The following MVD variants were observed in gnomAD, a reference collection of about 807,000 sequenced individuals.
MVD encodes diphosphomevalonate decarboxylase.
In MVD, 52 loss-of-function variants were observed where a neutral mutation model predicts 42.4. That is an observed-to-expected ratio of 1.23 (90% confidence interval 0.98 to 1.55). MVD has a LOEUF of 1.55. Among genes scored for constraint, MVD ranks in the 40% most tolerant of loss-of-function variants. The probability of loss-of-function intolerance (pLI) is 0.00; values close to 1 mark genes in which losing one functional copy is unlikely to be tolerated. For synonymous variants in MVD, 287 were observed against 243.2 expected, an observed-to-expected ratio of 1.18 and a Z score of -1.68; for missense variants, 663 against 572.1, an observed-to-expected ratio of 1.16 and a Z score of -1.62.
chr16:88,662,653 C>A (rs1597384963), intron 1 of MVD: 9 of 1,262,278 alleles, frequency 7.1e-6, no homozygotes, highest in South Asian at 1.4e-5. Flanking sequence ...GCCATCCTCC[C>A]GCCTCAGCCT....
intron 4 of MVD, 62 bp from the exon 5 acceptor site, chr16:88,656,366 T>C: frequency 6.4e-7 from 1 of 1,554,876 alleles, no homozygotes; most frequent in Non-Finnish European, 8.8e-7. Flanking sequence ...CCCTGACAGC[T>C]CACCGCCCCA....
intron 3 of MVD, 120 bp from the exon 4 acceptor site, chr16:88,657,702 A>G: frequency 2.8e-6 from 4 of 1,441,690 alleles, no homozygotes; most frequent in Middle Eastern, 2.3e-4. Context: ...CTCCTCGTGG[A>G]GAGTTTCTTA....
intron 3 of MVD, 108 bp from the exon 4 acceptor site, chr16:88,657,690 G>T: frequency 6.8e-7 from 1 of 1,480,814 alleles, no homozygotes; most frequent in South Asian, 1.3e-5. Context: ...CTGCCTGCCA[G>T]ACTCCTCGTG....
chr16:88,658,842 C>T, intron 1 of MVD, 122 bp from the exon 2 acceptor site: 1 of 775,838 alleles, frequency 1.3e-6, no homozygotes, highest in South Asian at 1.6e-5. Context: ...TCTCTCACCG[C>T]ACAACCTGTG....
At position 88,653,393 on chromosome 16, in the gene MVD, C is replaced by T; in HGVS notation, c.1029G>A (p.Leu343=). Residue 343 remains leucine (L), a synonymous_variant, in exon 9 of 10, where the codon CTG becomes CTA. Transcript: ENST00000301012. The part of the protein sequence containing the change: ...GSNGDTFLKG[L]QVRPAPLSAE... The stretch of plus-strand genomic sequence containing the variant: ...CTGAGAGAGGGGCCGGCCTCACCTG[C>T]AGCCCCTTCAGAAACCTGGAAAAGC... 2 of 1,605,958 alleles carry T rather than the reference C, an allele frequency of 1.2e-6. No individual in the cohort carries two copies. Among genetic ancestry groups the T allele is most frequent in the South Asian group, 1.1e-5 (1 of 90,256 alleles).
chr16:88,654,541 C>T, intron 8 of MVD, 151 bp downstream of exon 8: 1 of 695,374 alleles, frequency 1.4e-6, no homozygotes, highest in South Asian at 2.2e-5. Flanking sequence ...TCTATGGGGA[C>T]ACCCTGCCCG....
At position 88,655,312 on chromosome 16, in the gene MVD, G is replaced by C. The variant is rs895501668; in HGVS notation, c.784C>G (p.Gln262Glu). The change falls in exon 7 of 10, where the codon CAG becomes GAG. Residue 262 changes from glutamine to glutamate, a missense_variant. Transcript: ENST00000301012. ...FAQLTMKDSN[Q>E]FHATCLDTFP... Reference sequence around the variant, plus strand: ...GTGTCGAGGCAGGTGGCGTGGAACTGGTTGCTGTCCTTCATGGTCAGCTGG... The same window carrying C: ...GTGTCGAGGCAGGTGGCGTGGAACTCGTTGCTGTCCTTCATGGTCAGCTGG... 6.3e-7 allele frequency: 1 copy of C among 1,598,228 alleles called. No individual in the cohort carries two copies. The highest frequency in any genetic ancestry group is 1.1e-5 in the South Asian group (1 of 88,374).
intron 5 of MVD, 166 bp downstream of exon 5, chr16:88,655,939 G>A (rs1907894456): frequency 8.7e-7 from 1 of 1,143,074 alleles, no homozygotes; most frequent in Admixed American, 2.5e-5. Context: ...CCCGCCGCAT[G>A]GGAGCGGTTC....
Position 88,656,115 on chromosome 16 carries a change from A to G in MVD, c.593T>C (p.Leu198Pro). 1.2e-6 allele frequency: 2 copies of G among 1,600,274 alleles called. No homozygotes were observed. The highest frequency in any genetic ancestry group is 8.5e-7 in the Non-Finnish European group (1 of 1,179,462). ...PESHWPELRV[L>P]ILVVSAEKKL... ...CCCCACCCCACTCACCACAAGGATG[A>G]GCACGCGGAGTTCAGGCCAGTGTGA... The change falls in exon 5 of 10, where the codon CTC (leucine) becomes CCC (proline). Residue 198 changes from leucine (L) to proline (P), a missense_variant. Coordinates refer to ENST00000301012, the MANE Select transcript of MVD (RefSeq NM_002461.3).
In MVD at chr16:88,656,448, C is replaced by T. The variant is rs1264035023; in HGVS notation, c.404-144G>A. On this transcript the variant is annotated intron_variant, in intron 4 of 9. Coordinates refer to ENST00000301012, the MANE Select transcript of MVD (RefSeq NM_002461.3). ...GCTTCTGGGCCATCAGCCTTTGAGG[C>T]CAGCATTCACCGGCCCAGCCGTCTG... is the stretch of plus-strand genomic sequence containing the variant. 4 of 819,108 alleles carry T rather than the reference C, an allele frequency of 4.9e-6. 1 individual carries two copies. The South Asian group carries it at 6.6e-5, about 14-fold the overall frequency. 50.7% of individuals were successfully genotyped at this position (819,108 alleles called of 1,614,324 possible). A position where few individuals can be genotyped will look rare whatever the true frequency, so the allele number is the denominator to read the frequency against.
chr16:88,655,153 C>A, intron 7 of MVD, 46 bp downstream of exon 7: 2 of 1,540,770 alleles, frequency 1.3e-6, no homozygotes, highest in Non-Finnish European at 1.8e-6. Context: ...AGCCTAGACA[C>A]GCGCTACAGC....
At chr16:88,652,628 G>A in intron 9 of MVD, 23 bp from the exon 10 acceptor site, 2 of 1,547,106 alleles carry the variant, frequency 1.3e-6, no homozygotes, top group Non-Finnish European at 1.7e-6. Context: ...ATCCATGTCA[G>A]GTCACCAGGA....
At chr16:88,662,931 C>A in intron 1 of MVD, 80 bp downstream of exon 1, 1 of 1,543,922 alleles carries the variant, frequency 6.5e-7, no homozygotes. Flanking sequence ...ACGGAGCGCG[C>A]CGCCGAATCA....
chr16:88,653,846 C>G (rs769544885), intron 8 of MVD, among the ~76,000 whole-genome samples: 6 of 152,104 alleles, frequency 3.9e-5, no homozygotes, highest in African/African-American at 7.2e-5. Flanking sequence ...GGAGCAGCAG[C>G]CACGAGCCTG....
Position 88,653,426 on chromosome 16 carries a change from G to T in MVD, c.1014-18C>A. ...TCAGAAACCTGGAAAAGCAGGGCAG[G>T]GGCACGGTGAATGCATCCGTTTCTC... On this transcript the variant is annotated intron_variant, in intron 8 of 9. Coordinates refer to ENST00000301012, the MANE Select transcript of MVD (RefSeq NM_002461.3). 1 of 1,594,462 alleles carries T rather than the reference G, an allele frequency of 6.3e-7. No homozygotes were observed. Among genetic ancestry groups the T allele is most frequent in the Non-Finnish European group, 8.5e-7 (1 of 1,170,302 alleles).
Position 88,652,475 on chromosome 16 carries a change from C to T in MVD, c.*50G>A, listed in dbSNP as rs1397499788. Reference sequence around the variant, plus strand: ...AGCCCACCACATCCGCTCCCTAGCTCCGGCGAGGCCACCCCTTCTCCAAGC... The same window carrying T: ...AGCCCACCACATCCGCTCCCTAGCTTCGGCGAGGCCACCCCTTCTCCAAGC... On this transcript the variant is annotated 3_prime_UTR_variant, in exon 10 of 10. Coordinates refer to ENST00000301012, the MANE Select transcript of MVD (RefSeq NM_002461.3). 2 of 1,542,334 alleles carry T rather than the reference C, an allele frequency of 1.3e-6. No individual in the cohort carries two copies. Among genetic ancestry groups the T allele is most frequent in the Non-Finnish European group, 1.8e-6 (2 of 1,140,020 alleles).
chr16:88,662,198 G>C (rs1010640603), intron 1 of MVD: 1 of 152,216 alleles, frequency 6.6e-6, no homozygotes, highest in Non-Finnish European at 1.5e-5. Flanking sequence ...GAAAGAAAAC[G>C]TTAGATGCTC....
chr16:88,655,456 G>A (rs1273236442), intron 6 of MVD, 39 bp from the exon 7 acceptor site: 3 of 1,539,142 alleles, frequency 1.9e-6, no homozygotes, highest in African/African-American at 2.7e-5. Context: ...GCCGCTGGGG[G>A]TCTCGACAGC....
At chr16:88,653,863 C>T (rs907268816) in intron 8 of MVD, among the ~76,000 whole-genome samples, 5 of 152,100 alleles carry the variant, frequency 3.3e-5, no homozygotes, top group African/African-American at 1.2e-4. Flanking sequence ...CCTGGTGCTT[C>T]CCAGGCGGGC....
Sources: allele counts gnomAD v4.1 joint callset (sites outside exome capture counted in the v4.1 genomes callset), GRCh38; gene constraint gnomAD v4.1.1; transcripts MANE v1.5; gene names NCBI Gene and HGNC (gene_info 2026-07-23, HGNC 2026-07-21).